Variants in LMX1A observed in about 807,000 individuals in gnomAD.
The protein encoded by LMX1A is LIM homeobox transcription factor 1 alpha.
A neutral mutation model predicts 49.1 loss-of-function variants in LMX1A; 15 were observed. The ratio of observed to expected loss-of-function variants is 0.31; its 90% CI spans 0.20 to 0.47. The LOEUF is 0.47. Ranked by LOEUF, LMX1A falls within the 20% of genes least tolerant of loss-of-function variation. The pLI is 1.00. For missense variants in LMX1A, 372 were observed against 475.8 expected (o/e 0.78, Z 2.03); for synonymous variants, 167 against 185.7 (o/e 0.90, Z 0.82).
At chr1:165,335,970 C>T (rs866638789) in intron 3 of LMX1A, among the ~76,000 whole-genome samples, 13 of 151,866 alleles carry the variant, frequency 8.6e-5, no homozygotes, top group African/African-American at 3.1e-4. Context: ...AAATTGCCCA[C>T]GTGAGCCTAC....
At chr1:165,329,472 A>G (rs1655678701) in intron 3 of LMX1A, among the ~76,000 whole-genome samples, 1 of 152,176 alleles carries the variant, frequency 6.6e-6, no homozygotes. Flanking sequence ...CCATTCAGTG[A>G]AGGGCAACCA....
chr1:165,339,240 C>G (rs1200225257), intron 3 of LMX1A, among the ~76,000 whole-genome samples: 2 of 152,230 alleles, frequency 1.3e-5, no homozygotes, highest in Non-Finnish European at 2.9e-5. Context: ...TAGCTGGGTA[C>G]AGACTGTGTT....
intron 4 of LMX1A, among the ~76,000 whole-genome samples, chr1:165,233,824 G>C (rs971203919): frequency 6.6e-6 from 1 of 152,180 alleles, no homozygotes; most frequent in African/African-American, 2.4e-5. Flanking sequence ...ACAGCACTTA[G>C]AATGATGCCT....
At chr1:165,350,950 TC>T (rs751358406) in intron 3 of LMX1A, among the ~76,000 whole-genome samples, 19 of 152,348 alleles carry the variant, frequency 1.2e-4, no homozygotes, top group South Asian at 1.0e-3. Flanking sequence ...CCTGCAATTT[TC>T]CCTTTGCAGA....
intron 3 of LMX1A, among the ~76,000 whole-genome samples, chr1:165,334,517 C>A (rs1655843201): frequency 1.3e-5 from 2 of 152,140 alleles, no homozygotes; most frequent in Admixed American, 1.3e-4. Flanking sequence ...AATACCCATC[C>A]AAGGTCACAC....
intron 6 of LMX1A, among the ~76,000 whole-genome samples, chr1:165,209,825 A>G (rs1290110080): frequency 1.3e-5 from 2 of 152,238 alleles, no homozygotes; most frequent in African/African-American, 4.8e-5. Context: ...CCCAATTTAT[A>G]GCCAGTTGAT....
chr1:165,307,980 G>A (rs1438431681), intron 3 of LMX1A, among the ~76,000 whole-genome samples: 1 of 152,116 alleles, frequency 6.6e-6, no homozygotes, highest in Admixed American at 6.5e-5. Context: ...CATAAATGTT[G>A]AGTCAGAACA....
rs1329758474 is a variant in LMX1A at position 165,355,633 on chromosome 1, G to C, written c.-22-52C>G. ...TGACGTCCGTGCCCGCTGGGACTCGGCGCCAGCAGCCACCGCACTCCTGGG... is the reference window on the plus strand; with the variant it reads ...TGACGTCCGTGCCCGCTGGGACTCGCCGCCAGCAGCCACCGCACTCCTGGG... On this transcript the variant is annotated intron_variant, in intron 1 of 8. Transcript: ENST00000342310. This position sits in a 1 kb window ranked among gnomAD's most constrained non-coding sequence, Gnocchi z 4.7. The C allele has an allele frequency of 3.6e-6, 5 of 1,395,374 alleles. No individual in the cohort carries two copies. Among genetic ancestry groups the C allele is most frequent in the Non-Finnish European group, 5.0e-6 (5 of 996,794 alleles). The allele number at this position is 1,395,374 out of a possible 1,614,324, so 86.4% of individuals were successfully genotyped here. A position where few individuals can be genotyped will look rare whatever the true frequency, so the allele number is the denominator to read the frequency against.
intron 3 of LMX1A, among the ~76,000 whole-genome samples, chr1:165,321,191 C>A (rs940080413): frequency 1.3e-5 from 2 of 152,084 alleles, no homozygotes; most frequent in African/African-American, 2.4e-5. Context: ...CCACAATAGG[C>A]AAATCCATAG....
chr1:165,251,388 G>A (rs1352350626), intron 3 of LMX1A, among the ~76,000 whole-genome samples: 2 of 152,092 alleles, frequency 1.3e-5, no homozygotes, highest in African/African-American at 4.8e-5. Flanking sequence ...AGGCTTGAAT[G>A]GTTTTTTAAC....
At chr1:165,219,689 G>C (rs909801364) in intron 4 of LMX1A, among the ~76,000 whole-genome samples, 2 of 152,188 alleles carry the variant, frequency 1.3e-5, no homozygotes, top group African/African-American at 4.8e-5. Context: ...AGTTCTTCAA[G>C]GGAGTTTCTA....
intron 3 of LMX1A, among the ~76,000 whole-genome samples, chr1:165,313,013 A>C (rs1238514953): frequency 6.6e-6 from 1 of 151,996 alleles, no homozygotes; most frequent in African/African-American, 2.4e-5. Context: ...TATCAGAGGG[A>C]AAAAAAAGTC....
chr1:165,342,691 T>C (rs1194626912), intron 3 of LMX1A, among the ~76,000 whole-genome samples: 3 of 151,972 alleles, frequency 2.0e-5, no homozygotes, highest in Non-Finnish European at 4.4e-5. Flanking sequence ...CCTAAAAACT[T>C]CCTTTAAAAC....
chr1:165,355,226 C>T lies in LMX1A; in HGVS notation c.76+258G>A, dbSNP rs1355477768. ...TTTTAATCACTTGCCACTCAGACGC[C>T]TACGAACAAGCTCGCCCGCCCCTCG... On this transcript the variant is annotated intron_variant, in intron 2 of 8. Transcript: ENST00000342310. This position sits in a 1 kb window ranked among gnomAD's most constrained non-coding sequence, Gnocchi z 4.7. Among the ~76,000 whole-genome samples, 7 of 152,118 alleles carry T rather than the reference C, an allele frequency of 4.6e-5. No individual in the cohort carries two copies.
chr1:165,225,491 TTA>T, intron 4 of LMX1A, among the ~76,000 whole-genome samples: 1 of 152,354 alleles, frequency 6.6e-6, no homozygotes, highest in East Asian at 1.9e-4. Context: ...CTTTGTGTAA[TTA>T]GTTAGCCTTG....
chr1:165,211,115 A>G (rs1376133372), intron 5 of LMX1A: 2 of 187,722 alleles, frequency 1.1e-5, no homozygotes, highest in African/African-American at 4.7e-5. Context: ...ATATGCATTG[A>G]CCTACTTAAG....
chr1:165,327,312 C>T (rs1655617652), intron 3 of LMX1A, among the ~76,000 whole-genome samples: 1 of 152,202 alleles, frequency 6.6e-6, no homozygotes, highest in Non-Finnish European at 1.5e-5. Flanking sequence ...GCTAACTCTA[C>T]CTTTGCAATA....
intron 3 of LMX1A, among the ~76,000 whole-genome samples, chr1:165,307,616 A>G (rs574411797): frequency 4.6e-5 from 7 of 152,334 alleles, no homozygotes; most frequent in African/African-American, 1.4e-4. Flanking sequence ...CTGAGATTGT[A>G]GTAGATTCAC....
At chr1:165,217,659 C>T (rs546082490) in intron 4 of LMX1A, among the ~76,000 whole-genome samples, 1 of 152,300 alleles carries the variant, frequency 6.6e-6, no homozygotes, top group Admixed American at 6.5e-5. Context: ...AAGTGGGTCT[C>T]CCACAGTGCA....
Sources: gnomAD v4.1 joint callset for allele counts (sites outside exome capture counted in the v4.1 genomes callset) on GRCh38, gnomAD v4.1.1 for gene constraint, Gnocchi (gnomAD v3.1) non-coding constraint, MANE v1.5 for transcripts, NCBI Gene and HGNC (gene_info 2026-07-23, HGNC 2026-07-21) for gene names.